Variants in JARID2 observed in about 807,000 individuals in gnomAD.
JARID2 encodes the protein protein Jumonji.
JARID2 carries 21 observed loss-of-function variants against 125.6 expected under a neutral mutation model. That is an observed-to-expected ratio of 0.17 (90% CI 0.12 to 0.24). JARID2 has a LOEUF of 0.24. Among genes scored for constraint, JARID2 ranks in the 10% least tolerant of loss-of-function variants. The pLI, the probability that JARID2 is intolerant of heterozygous loss-of-function variation, is 1.00. For synonymous variants in JARID2, 736 were observed against 661.6 expected (o/e 1.11, Z -1.73); for missense variants, 1,303 against 1,639.6 (o/e 0.79, Z 3.55).
intron 1 of JARID2, among the ~76,000 whole-genome samples, chr6:15,339,217 T>C (rs764888582): frequency 2.0e-5 from 3 of 152,118 alleles, no homozygotes; most frequent in Admixed American, 2.0e-4. Flanking sequence ...TTGTCCATGA[T>C]TGACCAGGGA....
chr6:15,377,541 C>A (rs1454485268), intron 2 of JARID2, among the ~76,000 whole-genome samples: 1 of 152,164 alleles, frequency 6.6e-6, no homozygotes, highest in Non-Finnish European at 1.5e-5. Flanking sequence ...TCTTGGCTCA[C>A]TGCAACCCCC....
At chr6:15,424,624 G>T (rs765892623) in intron 3 of JARID2, among the ~76,000 whole-genome samples, 1 of 152,142 alleles carries the variant, frequency 6.6e-6, no homozygotes, top group African/African-American at 2.4e-5. Context: ...TTGGGGGGCT[G>T]AGTTGGGCGG....
At chr6:15,300,435 T>G (rs1192721948) in intron 1 of JARID2, among the ~76,000 whole-genome samples, 1 of 152,196 alleles carries the variant, frequency 6.6e-6, no homozygotes, top group Non-Finnish European at 1.5e-5. Flanking sequence ...CTTTTGGGCC[T>G]GGAAACCTTC....
At chr6:15,427,771 C>T (rs1766793969) in intron 3 of JARID2, among the ~76,000 whole-genome samples, 3 of 152,042 alleles carry the variant, frequency 2.0e-5, no homozygotes, top group African/African-American at 4.8e-5. Flanking sequence ...GTGAAAGGCA[C>T]TAGATGCTGG....
chr6:15,311,450 G>T (rs1016095798), intron 1 of JARID2, among the ~76,000 whole-genome samples: 11 of 152,220 alleles, frequency 7.2e-5, no homozygotes, highest in Admixed American at 2.0e-4. Context: ...GGTGGCGCAT[G>T]CCTGTAATCC....
At chr6:15,291,245 A>T (rs920165098) in intron 1 of JARID2, among the ~76,000 whole-genome samples, 1 of 152,186 alleles carries the variant, frequency 6.6e-6, no homozygotes, top group Non-Finnish European at 1.5e-5. Context: ...AAAAAAATAA[A>T]AATTCACATG....
At chr6:15,469,678 G>A (rs1340792721) in intron 5 of JARID2, among the ~76,000 whole-genome samples, 1 of 151,784 alleles carries the variant, frequency 6.6e-6, no homozygotes, top group Non-Finnish European at 1.5e-5. Flanking sequence ...CATGAAGCCG[G>A]CATCGATGAT....
chr6:15,318,887 C>T (rs1473487206), intron 1 of JARID2, among the ~76,000 whole-genome samples: 1 of 152,174 alleles, frequency 6.6e-6, no homozygotes, highest in Non-Finnish European at 1.5e-5. Flanking sequence ...GCCAGACAGC[C>T]ATAATGGCTT....
chr6:15,418,260 C>A (rs1561849798), intron 3 of JARID2, among the ~76,000 whole-genome samples: 1 of 146,504 alleles, frequency 6.8e-6, no homozygotes, highest in Non-Finnish European at 1.5e-5. Context: ...GCTCTGTCGC[C>A]AGGCTGGAGT....
intron 1 of JARID2, among the ~76,000 whole-genome samples, chr6:15,310,022 T>C (rs1269317000): frequency 6.6e-6 from 1 of 152,196 alleles, no homozygotes; most frequent in African/African-American, 2.4e-5. Flanking sequence ...GGAAAACAGA[T>C]TGCTTTGTTG....
At chr6:15,517,380 CT>C in intron 17 of JARID2, 112 bp downstream of exon 17, 1 of 735,514 alleles carries the variant, frequency 1.4e-6, no homozygotes, top group Non-Finnish European at 2.4e-6. Flanking sequence ...GTAGTCAGGG[CT>C]CTGCAGGCCT....
chr6:15,366,383 A>G (rs1424718716), intron 1 of JARID2, among the ~76,000 whole-genome samples: 1 of 151,134 alleles, frequency 6.6e-6, no homozygotes, highest in Non-Finnish European at 1.5e-5. Flanking sequence ...CCTTAATCCC[A>G]TGATATGACA....
chr6:15,478,592 TC>T (rs1469925655), intron 5 of JARID2, among the ~76,000 whole-genome samples: 1 of 152,012 alleles, frequency 6.6e-6, no homozygotes, highest in Admixed American at 6.6e-5. Flanking sequence ...CTTACTCAAA[TC>T]CAAAGGTGAG....
intron 1 of JARID2, among the ~76,000 whole-genome samples, chr6:15,342,012 G>A (rs1373850320): frequency 6.6e-6 from 1 of 151,776 alleles, no homozygotes; most frequent in Non-Finnish European, 1.5e-5. Context: ...ATAAAAAGGG[G>A]GGGGACAGCA....
chr6:15,463,614 TA>T (rs1355814459), intron 4 of JARID2, among the ~76,000 whole-genome samples: 1 of 152,106 alleles, frequency 6.6e-6, no homozygotes, highest in Non-Finnish European at 1.5e-5. Flanking sequence ...TATTTTTTAG[TA>T]GAGATGGAGT....
rs188796720 is a variant in JARID2, at chr6:15,282,666, G to A, written c.45+36082G>A. ...GTTGCCCAGGCTGAAGTGCAATGGC[G>A]AGATCTCAGCTCACCGCAACCTCCA... On this transcript the variant is annotated intron_variant, in intron 1 of 17. Coordinates refer to ENST00000341776, the MANE Select transcript of JARID2 (RefSeq NM_004973.4). 4.2e-3 allele frequency among the ~76,000 whole-genome samples: 645 copies of A among 151,844 alleles called. 8 individuals carry two copies. The Middle Eastern group carries it at 0.051, about 12-fold the overall frequency.
In JARID2 at chr6:15,503,787, C is replaced by T. The variant is rs767115976; in HGVS notation, c.2449-713C>T. Among the ~76,000 whole-genome samples, 34 of 152,324 alleles carry T rather than the reference C, an allele frequency of 2.2e-4. 1 individual carries two copies. Among genetic ancestry groups the T allele is most frequent in the Admixed American group, 2.0e-4 (3 of 15,302 alleles). On this transcript the variant is annotated intron_variant, in intron 8 of 17. Coordinates refer to ENST00000341776, the MANE Select transcript of JARID2 (RefSeq NM_004973.4). The stretch of plus-strand genomic sequence containing the variant: ...TCTTAGATGGATTCCCTCTGAAAAA[C>T]GCACCACATTTCGTGTGGTAGGTAA...
At chr6:15,487,252 T>A in intron 5 of JARID2, 55 bp from the exon 6 acceptor site, 1 of 1,435,604 alleles carries the variant, frequency 7.0e-7, no homozygotes, top group Non-Finnish European at 9.7e-7. Context: ...ATCAGTAGTT[T>A]GCGTGGTAGT....
intron 1 of JARID2, among the ~76,000 whole-genome samples, chr6:15,334,069 C>T (rs1312440146): frequency 6.6e-6 from 1 of 152,162 alleles, no homozygotes; most frequent in Non-Finnish European, 1.5e-5. Flanking sequence ...TCAGTACATG[C>T]AGAGGTGTTC....
Sources: gnomAD v4.1 joint callset for allele counts (sites outside exome capture counted in the v4.1 genomes callset) on GRCh38, gnomAD v4.1.1 for gene constraint, MANE v1.5 for transcripts, NCBI Gene and HGNC (gene_info 2026-07-23, HGNC 2026-07-21) for gene names.